MYBL1: variants seen among roughly 807,000 people sequenced by gnomAD.
The protein encoded by MYBL1 is myb-related protein A.
In MYBL1, 17 loss-of-function variants were observed where a neutral mutation model predicts 96.3. The observed-to-expected ratio is 0.18, with a 90% CI of 0.12 to 0.26. The LOEUF (loss-of-function observed/expected upper bound fraction) is 0.26. Ranked by LOEUF, MYBL1 falls within the 10% of genes least tolerant of loss-of-function variation. The probability of loss-of-function intolerance (pLI) is 1.00; values close to 1 mark genes in which losing one functional copy is unlikely to be tolerated. For synonymous variants in MYBL1, 282 were observed against 292.7 expected (o/e 0.96, Z 0.37); for missense variants, 701 against 882.9 (o/e 0.79, Z 2.61).
At chr8:66,610,677 T>C (rs1810493451) in intron 1 of MYBL1, among the ~76,000 whole-genome samples, 1 of 152,162 alleles carries the variant, frequency 6.6e-6, no homozygotes, top group African/African-American at 2.4e-5. Flanking sequence ...ATTCACACTC[T>C]ATCCTCTTTT....
chr8:66,567,026 T>C (rs751496261), intron 12 of MYBL1, 34 bp from the exon 13 acceptor site: 3 of 1,407,426 alleles, frequency 2.1e-6, no homozygotes, highest in Non-Finnish European at 3.0e-6. Context: ...TAAAAAGTCA[T>C]TTATAGCAAT....
intron 1 of MYBL1, among the ~76,000 whole-genome samples, chr8:66,609,837 G>A (rs778224947): frequency 5.3e-5 from 8 of 151,970 alleles, no homozygotes; most frequent in Non-Finnish European, 1.0e-4. Flanking sequence ...CTGAGGCAGA[G>A]TTTACCTGCT....
chr8:66,605,399 A>G (rs1353790054), intron 1 of MYBL1, among the ~76,000 whole-genome samples: 1 of 152,234 alleles, frequency 6.6e-6, no homozygotes, highest in Non-Finnish European at 1.5e-5. Context: ...AGGGCACAGG[A>G]TGACCCAAGG....
At chr8:66,597,847 TAAAAAAAA>T (rs1189665191) in intron 4 of MYBL1, among the ~76,000 whole-genome samples, 3 of 36,172 alleles carry the variant, frequency 8.3e-5, no homozygotes, top group African/African-American at 2.0e-4. Flanking sequence ...CTCCTACATC[TAAAAAAAA>T]AAAAAAAAAA....
chr8:66,562,520 C>T lies in MYBL1; in HGVS notation c.*2177G>A, dbSNP rs1472999809. 1 of 152,486 alleles carries T rather than the reference C, an allele frequency of 6.6e-6. No individual in the cohort carries two copies. The highest frequency in any genetic ancestry group is 1.9e-4 in the East Asian group (1 of 5,198). 9.4% of individuals were successfully genotyped at this position (152,486 alleles called of 1,614,324 possible). A position where few individuals can be genotyped will look rare whatever the true frequency, so the allele number is the denominator to read the frequency against. On this transcript the variant is annotated 3_prime_UTR_variant, in exon 16 of 16. Transcript: ENST00000522677. Reference sequence around the variant, plus strand: ...CTGAAGGATTCAACCAGTACCAACCCAAATATGTATTATGTCCAATAAGCC... The same window carrying T: ...CTGAAGGATTCAACCAGTACCAACCTAAATATGTATTATGTCCAATAAGCC...
chr8:66,591,715 G>C (rs1282836375), intron 8 of MYBL1, among the ~76,000 whole-genome samples: 1 of 151,772 alleles, frequency 6.6e-6, no homozygotes, highest in Non-Finnish European at 1.5e-5. Flanking sequence ...AATAATTTTG[G>C]AGCTCATAAA....
intron 9 of MYBL1, among the ~76,000 whole-genome samples, chr8:66,578,481 T>TG (rs1809061164): frequency 6.6e-6 from 1 of 152,074 alleles, no homozygotes; most frequent in African/African-American, 2.4e-5. Flanking sequence ...CTTGAAAAAA[T>TG]GCTCATCATC....
At chr8:66,606,380 T>G (rs1276739144) in intron 1 of MYBL1, among the ~76,000 whole-genome samples, 1 of 152,236 alleles carries the variant, frequency 6.6e-6, no homozygotes, top group African/African-American at 2.4e-5. Flanking sequence ...GTATTCAAAA[T>G]TATTTTTGCC....
intron 12 of MYBL1, among the ~76,000 whole-genome samples, chr8:66,570,479 AC>A (rs1453514871): frequency 6.6e-6 from 1 of 151,874 alleles, no homozygotes; most frequent in South Asian, 2.1e-4. Flanking sequence ...TTTTTATTCC[AC>A]TTATATGTTC....
At chr8:66,583,621 CA>C (rs1451006089) in intron 8 of MYBL1, among the ~76,000 whole-genome samples, 2 of 150,170 alleles carry the variant, frequency 1.3e-5, no homozygotes, top group Non-Finnish European at 3.0e-5. Flanking sequence ...AAATCAGAAA[CA>C]AAAAAGGAGA....
At chr8:66,609,178 C>T (rs527885869) in intron 1 of MYBL1, among the ~76,000 whole-genome samples, 81 of 152,126 alleles carry the variant, frequency 5.3e-4, no homozygotes, top group African/African-American at 1.7e-3. Flanking sequence ...TGAAATAACA[C>T]GCACTTGATG....
intron 8 of MYBL1, among the ~76,000 whole-genome samples, chr8:66,591,351 A>T (rs1484785422): frequency 6.6e-6 from 1 of 151,654 alleles, no homozygotes; most frequent in East Asian, 2.0e-4. Context: ...TGTCTCAAAA[A>T]AAAAAAAATT....
At chr8:66,572,441 A>G (rs1197089535) in intron 12 of MYBL1, 41 bp downstream of exon 12, 7 of 995,064 alleles carry the variant, frequency 7.0e-6, no homozygotes, top group Non-Finnish European at 8.8e-6. Flanking sequence ...GTGTTTTATT[A>G]AAATTAGGAA....
At chr8:66,609,856 C>A (rs1292246788) in intron 1 of MYBL1, among the ~76,000 whole-genome samples, 1 of 152,012 alleles carries the variant, frequency 6.6e-6, no homozygotes, top group Admixed American at 6.5e-5. Flanking sequence ...CTTCCCCAAA[C>A]AATATTGCCA....
At chr8:66,601,798 C>T (rs956274925) in intron 2 of MYBL1, 29 bp from the exon 3 acceptor site, 6 of 1,251,532 alleles carry the variant, frequency 4.8e-6, no homozygotes, top group African/African-American at 1.5e-5. Flanking sequence ...AATTAGAAAG[C>T]TTTCCCCCCG....
chr8:66,580,463 G>T, intron 8 of MYBL1, 97 bp from the exon 9 acceptor site: 8 of 760,756 alleles, frequency 1.1e-5, no homozygotes, highest in South Asian at 4.4e-5. Context: ...AAACATAGTA[G>T]CAAATATTTT....
chr8:66,598,798 T>C (rs1053392607), intron 4 of MYBL1, among the ~76,000 whole-genome samples: 1 of 152,212 alleles, frequency 6.6e-6, no homozygotes, highest in Admixed American at 6.5e-5. Flanking sequence ...TAACTAACCT[T>C]ACAGCAAGTA....
At chr8:66,592,307 TA>T (rs60477286) in intron 8 of MYBL1, 132 bp downstream of exon 8, 65 of 635,026 alleles carry the variant, frequency 1.0e-4, no homozygotes, top group East Asian at 1.9e-4. Context: ...AGTTGCAAAT[TA>T]AAAAAAAACA....
At chr8:66,591,861 A>T (rs941530360) in intron 8 of MYBL1, among the ~76,000 whole-genome samples, 109 of 152,220 alleles carry the variant, frequency 7.2e-4, no homozygotes, top group African/African-American at 2.6e-3. Context: ...ATTTATATAT[A>T]TATACACACA....
Sources: gnomAD v4.1 joint callset for allele counts (sites outside exome capture counted in the v4.1 genomes callset) on GRCh38, gnomAD v4.1.1 for gene constraint, MANE v1.5 for transcripts, NCBI Gene and HGNC (gene_info 2026-07-23, HGNC 2026-07-21) for gene names.